NFXL1: variants seen among roughly 807,000 people sequenced by gnomAD.
The protein encoded by NFXL1 is nuclear transcription factor, X-box binding like 1, also known as NF-X1-type zinc finger protein NFXL1.
NFXL1 carries 66 observed loss-of-function variants against 123.3 expected under a neutral mutation model. That is an observed-to-expected ratio of 0.54 (90% CI 0.44 to 0.66). NFXL1 has a LOEUF of 0.66. Ranked by LOEUF, NFXL1 falls within the 30% of genes least tolerant of loss-of-function variation. The pLI is 0.00. For synonymous variants in NFXL1, 346 were observed against 360.8 expected (o/e 0.96, Z 0.46); for missense variants, 944 against 1,125.6 (o/e 0.84, Z 2.31).
chr4:47,879,498 A>T (rs764497589), intron 15 of NFXL1, among the ~76,000 whole-genome samples: 4 of 152,200 alleles, frequency 2.6e-5, no homozygotes, highest in Non-Finnish European at 4.4e-5. Context: ...GATGTAGTTT[A>T]TTTCCAATTT....
intron 2 of NFXL1, among the ~76,000 whole-genome samples, chr4:47,912,829 T>TAA (rs568288143): frequency 3.9e-5 from 5 of 126,938 alleles, no homozygotes; most frequent in African/African-American, 5.8e-5. Context: ...CCGTCTCTAC[T>TAA]AAAAAAAAAA....
At chr4:47,858,890 T>C (rs1734567159) in intron 19 of NFXL1, among the ~76,000 whole-genome samples, 1 of 152,202 alleles carries the variant, frequency 6.6e-6, no homozygotes, top group African/African-American at 2.4e-5. Context: ...GGTATATATG[T>C]GATATTTCAT....
intron 16 of NFXL1, 44 bp from the exon 17 acceptor site, chr4:47,878,709 G>A (rs368334738): frequency 2.4e-5 from 33 of 1,381,124 alleles, no homozygotes; most frequent in Admixed American, 8.5e-5. Context: ...TTACTCAAAC[G>A]TTTCTGGACA....
intron 6 of NFXL1, 81 bp downstream of exon 6, chr4:47,899,289 A>C (rs1249112387): frequency 3.6e-6 from 5 of 1,383,894 alleles, no homozygotes; most frequent in Non-Finnish European, 4.0e-6. Context: ...TGTGAATTCA[A>C]CTTTTACAAT....
At chr4:47,850,393 T>C (rs1352622622) in intron 22 of NFXL1, among the ~76,000 whole-genome samples, 1 of 152,090 alleles carries the variant, frequency 6.6e-6, no homozygotes, top group African/African-American at 2.4e-5. Context: ...AGTTTCAATC[T>C]CATCATTCAT....
At position 47,909,047 on chromosome 4, in the gene NFXL1, C is replaced by T. The variant is rs191734046; in HGVS notation, c.406+1777G>A. On this transcript the variant is annotated intron_variant, in intron 3 of 22. Transcript: ENST00000507489. ...TAATCAAGCCACAAAATACATTAAA[C>T]ATTCCAGCAAACAGATATACAGCAC... Among the ~76,000 whole-genome samples, 318 of 150,466 alleles carry T rather than the reference C, an allele frequency of 2.1e-3. No homozygotes were observed. The Middle Eastern group carries it at 0.024, about 11-fold the overall frequency.
At chr4:47,875,350 T>C in intron 17 of NFXL1, 57 bp from the exon 18 acceptor site, 2 of 1,276,084 alleles carry the variant, frequency 1.6e-6, no homozygotes, top group Non-Finnish European at 2.2e-6. Flanking sequence ...AACATTTCCA[T>C]ATGTTACAGT....
At chr4:47,889,130 G>A (rs1429795115) in intron 12 of NFXL1, among the ~76,000 whole-genome samples, 1 of 152,118 alleles carries the variant, frequency 6.6e-6, no homozygotes, top group Non-Finnish European at 1.5e-5. Flanking sequence ...TTATATAGAT[G>A]TTAGACATTT....
rs913487098 is a variant in NFXL1 at position 47,904,290 on chromosome 4, ACT to A, written c.516+945_516+946del. On this transcript the variant is annotated intron_variant, in intron 4 of 22. Transcript: ENST00000507489. ...AGGAGGTTGGGGCATTCACCTACCAACTCCCTGTGGTGCAATGTTGCTGCAAG... is the reference window on the plus strand; with the variant it reads ...AGGAGGTTGGGGCATTCACCTACCAACCCTGTGGTGCAATGTTGCTGCAAG... Among the ~76,000 whole-genome samples the A allele has an allele frequency of 4.5e-4, 68 of 152,008 alleles. 1 individual carries two copies. The highest frequency in any genetic ancestry group is 3.1e-4 in the Non-Finnish European group (21 of 67,978).
rs758706819 is a variant in NFXL1 at position 47,903,212 on chromosome 4, T to C, written c.628A>G (p.Lys210Glu). ...AGTTACCAAGGCCAGGGACAATCTT[T>C]CTTTCCAAAATCATCATCAGTCACA... Reference protein sequence around the residue: ...SSVTDDDFGKKDCPWPCPKCR... With the variant: ...SSVTDDDFGKEDCPWPCPKCR... The change falls in exon 5 of 23, where the codon AAA becomes GAA. Residue 210 changes from lysine to glutamate, a missense_variant. By Grantham distance (56) the Lys-to-Glu change is moderately conservative (BLOSUM62 1). Coordinates refer to ENST00000507489, the MANE Select transcript of NFXL1 (RefSeq NM_001278624.2). 3 of 1,592,778 alleles carry C rather than the reference T, an allele frequency of 1.9e-6. No individual in the cohort carries two copies. The highest frequency in any genetic ancestry group is 1.8e-5 in the Admixed American group (1 of 55,982).
rs937465588 is a variant in NFXL1, at chr4:47,879,121, C to T, written c.1917-4G>A. On this transcript the variant is annotated splice_region_variant and splice_polypyrimidine_tract_variant and intron_variant, in intron 15 of 22. Transcript: ENST00000507489. ...CTCATGTTTCCCAAGACATTCCCTACAAGGAAAAAATAAAATAAAATGAAA... is the reference window on the plus strand; with the variant it reads ...CTCATGTTTCCCAAGACATTCCCTATAAGGAAAAAATAAAATAAAATGAAA... The T allele has an allele frequency of 2.9e-5, 38 of 1,319,312 alleles. No homozygotes were observed. Among genetic ancestry groups the T allele is most frequent in the Non-Finnish European group, 3.4e-5 (33 of 979,844 alleles). 81.7% of individuals were successfully genotyped at this position (1,319,312 alleles called of 1,614,324 possible).
chr4:47,847,807 A>C lies in NFXL1; in HGVS notation c.*356T>G, dbSNP rs1733895224. 6.2e-6 allele frequency: 1 copy of C among 160,698 alleles called. No homozygotes were observed. The highest frequency in any genetic ancestry group is 1.4e-5 in the Non-Finnish European group (1 of 73,700). The allele number at this position is 160,698 out of a possible 1,614,324, so 10.0% of individuals were successfully genotyped here. A position where few individuals can be genotyped will look rare whatever the true frequency, so the allele number is the denominator to read the frequency against. On this transcript the variant is annotated 3_prime_UTR_variant, in exon 23 of 23. Coordinates refer to ENST00000507489, the MANE Select transcript of NFXL1 (RefSeq NM_001278624.2). ...CATTAAGAAATATTTCTCTTACTGC[A>C]GATATGGCTCAGTCTCATCTGAATT...
At chr4:47,893,784 C>T (rs1415114428) in intron 11 of NFXL1, among the ~76,000 whole-genome samples, 1 of 151,430 alleles carries the variant, frequency 6.6e-6, no homozygotes, top group African/African-American at 2.4e-5. Context: ...TGATAAATAT[C>T]AAAAATTACT....
At chr4:47,898,452 A>G (rs10020447) in intron 8 of NFXL1, among the ~76,000 whole-genome samples, 125,594 of 152,014 alleles carry the variant, frequency 0.83, 52,108 homozygotes, top group East Asian at 0.98. Flanking sequence ...TTCAAGAAGC[A>G]GGGAGGCGTG....
chr4:47,877,539 C>T (rs774064517), intron 17 of NFXL1, among the ~76,000 whole-genome samples: 12 of 151,984 alleles, frequency 7.9e-5, no homozygotes, highest in Admixed American at 2.6e-4. Flanking sequence ...CAGCTACACC[C>T]TAACTAGTTA....
intron 20 of NFXL1, among the ~76,000 whole-genome samples, chr4:47,852,598 G>A (rs1734185533): frequency 6.6e-6 from 1 of 151,822 alleles, no homozygotes; most frequent in Non-Finnish European, 1.5e-5. Flanking sequence ...GCTTATGTTG[G>A]CACTTCACTA....
chr4:47,885,032 C>G (rs556161022), intron 14 of NFXL1, among the ~76,000 whole-genome samples: 3 of 151,324 alleles, frequency 2.0e-5, no homozygotes, highest in Non-Finnish European at 4.4e-5. Context: ...GAGGCTAAGG[C>G]ACGAGAGTCA....
At chr4:47,890,847 G>T (rs1272506626) in intron 11 of NFXL1, 144 bp from the exon 12 acceptor site, 14 of 578,082 alleles carry the variant, frequency 2.4e-5, no homozygotes, top group Non-Finnish European at 4.0e-5. Flanking sequence ...CATTCTTCTG[G>T]TAAGTAAACA....
intron 19 of NFXL1, among the ~76,000 whole-genome samples, chr4:47,856,055 T>A (rs1336703676): frequency 3.9e-5 from 6 of 151,966 alleles, no homozygotes; most frequent in Non-Finnish European, 7.4e-5. Context: ...AAAAAAACAA[T>A]TTTTTTTAGG....
Sources: gnomAD v4.1 joint callset for allele counts (sites outside exome capture counted in the v4.1 genomes callset) on GRCh38, gnomAD v4.1.1 for gene constraint, MANE v1.5 for transcripts, NCBI Gene and HGNC (gene_info 2026-07-23, HGNC 2026-07-21) for gene names.